Variants in PRKD1 observed in about 807,000 individuals in gnomAD.
The protein encoded by PRKD1 is protein kinase D1.
In PRKD1, 63 loss-of-function variants were observed where a neutral mutation model predicts 95.9. That is an observed-to-expected ratio of 0.66 (90% CI 0.54 to 0.81). PRKD1 has a LOEUF of 0.81. Among genes scored for constraint, PRKD1 ranks in the 30% least tolerant of loss-of-function variants. The pLI is 0.00. For missense variants in PRKD1, 1,048 were observed against 1,165.3 expected, an observed-to-expected ratio of 0.90 and a Z score of 1.47; for synonymous variants, 425 against 423.1, an observed-to-expected ratio of 1.00 and a Z score of -0.05.
chr14:29,797,063 T>C (rs1889848161), intron 1 of PRKD1, among the ~76,000 whole-genome samples: 1 of 152,184 alleles, frequency 6.6e-6, no homozygotes, highest in South Asian at 2.1e-4. Context: ...TAAGGCTAAA[T>C]GGAAGAAAGT....
At chr14:29,821,376 G>C (rs1050730244) in intron 1 of PRKD1, among the ~76,000 whole-genome samples, 1 of 152,186 alleles carries the variant, frequency 6.6e-6, no homozygotes, top group Admixed American at 6.5e-5. Flanking sequence ...TAGGTACTCA[G>C]TGACCATGGT....
chr14:29,692,605 T>G (rs1319830582), intron 2 of PRKD1, among the ~76,000 whole-genome samples: 1 of 152,124 alleles, frequency 6.6e-6, no homozygotes, highest in Non-Finnish European at 1.5e-5. Context: ...GATATTTTCC[T>G]TTTGTAATTA....
intron 16 of PRKD1, among the ~76,000 whole-genome samples, chr14:29,597,083 C>T (rs924642493): frequency 6.6e-6 from 1 of 152,022 alleles, no homozygotes; most frequent in Non-Finnish European, 1.5e-5. Flanking sequence ...AGACAAAGAA[C>T]TTGGTATACT....
intron 1 of PRKD1, among the ~76,000 whole-genome samples, chr14:29,832,204 C>CACG (rs1019242734): frequency 2.0e-5 from 3 of 152,072 alleles, no homozygotes; most frequent in Non-Finnish European, 4.4e-5. Flanking sequence ...GTTCCCACCC[C>CACG]ACCACCACCA....
chr14:29,874,145 T>C (rs2139383153), intron 1 of PRKD1, among the ~76,000 whole-genome samples: 1 of 152,284 alleles, frequency 6.6e-6, no homozygotes, highest in South Asian at 2.1e-4. Context: ...ATCTCAGCTT[T>C]GAGTTTTAGC....
intron 2 of PRKD1, among the ~76,000 whole-genome samples, chr14:29,693,768 T>C (rs779293916): frequency 1.2e-4 from 18 of 152,126 alleles, no homozygotes; most frequent in Non-Finnish European, 2.5e-4. Flanking sequence ...ATGAAGACTT[T>C]ATAGGTCACC....
intron 7 of PRKD1, among the ~76,000 whole-genome samples, chr14:29,635,475 C>T (rs975962065): frequency 4.6e-5 from 7 of 152,012 alleles, no homozygotes; most frequent in African/African-American, 1.5e-4. Context: ...GTTCATTATG[C>T]CATTAAATGG....
At chr14:29,742,843 C>T (rs1887042236) in intron 1 of PRKD1, among the ~76,000 whole-genome samples, 1 of 152,140 alleles carries the variant, frequency 6.6e-6, no homozygotes, top group African/African-American at 2.4e-5. Context: ...AATACCTTGT[C>T]ACATAAGTTA....
intron 2 of PRKD1, among the ~76,000 whole-genome samples, chr14:29,696,712 C>G (rs1884537311): frequency 6.6e-6 from 1 of 152,162 alleles, no homozygotes; most frequent in East Asian, 1.9e-4. Context: ...AAATCACTTT[C>G]TATTACTTCA....
At chr14:29,773,547 T>G (rs984959149) in intron 1 of PRKD1, among the ~76,000 whole-genome samples, 1 of 152,080 alleles carries the variant, frequency 6.6e-6, no homozygotes, top group Non-Finnish European at 1.5e-5. Context: ...ATCCATGAAT[T>G]ACCCTCAAAT....
intron 2 of PRKD1, among the ~76,000 whole-genome samples, chr14:29,712,898 G>T (rs1028551947): frequency 6.6e-6 from 1 of 152,040 alleles, no homozygotes; most frequent in Non-Finnish European, 1.5e-5. Flanking sequence ...GGAACAAAAG[G>T]AATATCTGGC....
At chr14:29,630,603 C>T (rs1252165621) in intron 10 of PRKD1, 139 bp downstream of exon 10, 2 of 1,070,494 alleles carry the variant, frequency 1.9e-6, no homozygotes, top group Non-Finnish European at 1.3e-6. Context: ...ATTTAGACAC[C>T]CTACATTCTA....
intron 1 of PRKD1, among the ~76,000 whole-genome samples, chr14:29,922,625 T>C (rs1172452608): frequency 6.6e-6 from 1 of 152,138 alleles, no homozygotes; most frequent in Non-Finnish European, 1.5e-5. Context: ...GGCTCATGCC[T>C]GCAATCCCAG....
At chr14:29,612,058 C>T (rs35711656) in intron 13 of PRKD1, among the ~76,000 whole-genome samples, 1 of 152,178 alleles carries the variant, frequency 6.6e-6, no homozygotes, top group Non-Finnish European at 1.5e-5. Flanking sequence ...ATAATGTGTG[C>T]AGACACATAA....
At chr14:29,833,525 A>G (rs1207761288) in intron 1 of PRKD1, among the ~76,000 whole-genome samples, 1 of 152,098 alleles carries the variant, frequency 6.6e-6, no homozygotes, top group Non-Finnish European at 1.5e-5. Flanking sequence ...TGCTGAAATA[A>G]AAACCATTAC....
intron 1 of PRKD1, among the ~76,000 whole-genome samples, chr14:29,887,320 G>C (rs750130856): frequency 6.6e-6 from 1 of 152,168 alleles, no homozygotes; most frequent in Non-Finnish European, 1.5e-5. Context: ...GTACACAAGA[G>C]GGAGTCAACA....
At chr14:29,715,507 A>C (rs922353762) in intron 2 of PRKD1, among the ~76,000 whole-genome samples, 4 of 152,166 alleles carry the variant, frequency 2.6e-5, no homozygotes, top group Non-Finnish European at 4.4e-5. Flanking sequence ...GTTGCACTGC[A>C]TATCTCTCAG....
At chr14:29,659,739 G>T (rs1420971391) in intron 4 of PRKD1, among the ~76,000 whole-genome samples, 1 of 152,086 alleles carries the variant, frequency 6.6e-6, no homozygotes, top group Non-Finnish European at 1.5e-5. Flanking sequence ...ACATTTTCAT[G>T]TTTATTGTCT....
intron 1 of PRKD1, among the ~76,000 whole-genome samples, chr14:29,896,996 T>C (rs773845253): frequency 1.3e-5 from 2 of 151,818 alleles, no homozygotes; most frequent in Non-Finnish European, 2.9e-5. Context: ...AAAAAATTTA[T>C]AATTTTTTCA....
Sources: allele counts gnomAD v4.1 joint callset (sites outside exome capture counted in the v4.1 genomes callset), GRCh38; gene constraint gnomAD v4.1.1; transcripts MANE v1.5; gene names NCBI Gene and HGNC (gene_info 2026-07-23, HGNC 2026-07-21).